Variants in DPYSL3 observed in about 807,000 individuals in gnomAD.
The protein encoded by DPYSL3 is dihydropyrimidinase like 3.
In DPYSL3, 16 loss-of-function variants were observed where a neutral mutation model predicts 66.1. The observed-to-expected ratio is 0.24, with a 90% CI of 0.16 to 0.37. The LOEUF (loss-of-function observed/expected upper bound fraction) is 0.37, where lower values mean the gene tolerates loss of function less well. Ranked by LOEUF, DPYSL3 falls within the 10% of genes least tolerant of loss-of-function variation. DPYSL3 has a pLI of 1.00. For missense variants in DPYSL3, 738 were observed against 916.2 expected, an observed-to-expected ratio of 0.81 and a Z score of 2.51; for synonymous variants, 338 against 345.1, an observed-to-expected ratio of 0.98 and a Z score of 0.23.
chr5:147,446,495 A>G (rs1188269577), intron 1 of DPYSL3, among the ~76,000 whole-genome samples: 4 of 152,228 alleles, frequency 2.6e-5, no homozygotes, highest in African/African-American at 9.6e-5. Flanking sequence ...CTTGAATTCC[A>G]GATGTTCCAA....
chr5:147,458,466 C>A (rs1752885016), intron 1 of DPYSL3, among the ~76,000 whole-genome samples: 1 of 152,186 alleles, frequency 6.6e-6, no homozygotes, highest in African/African-American at 2.4e-5. Flanking sequence ...AGGCAACCAG[C>A]AGATCCTCGG....
At position 147,399,246 on chromosome 5, in the gene DPYSL3, C is replaced by A. The variant is rs1212539373; in HGVS notation, c.1459G>T (p.Gly487Trp). Residue 487 changes from glycine to tryptophan, a missense_variant, in exon 11 of 14, where the codon GGG (glycine) becomes TGG (tryptophan). Physicochemically the swap from Gly to Trp is radical, Grantham distance 184 (BLOSUM62 -2). Transcript: ENST00000343218. ...SVIWDKAVAT[G>W]KMDENQFVAV... Reference sequence around the variant, plus strand: ...ACGAACTGGTTTTCGTCCATTTTCCCTGTGGCCTATTGAAATATAAGAAAT... The same window carrying A: ...ACGAACTGGTTTTCGTCCATTTTCCATGTGGCCTATTGAAATATAAGAAAT... 1 of 1,614,046 alleles carries A rather than the reference C, an allele frequency of 6.2e-7. No individual in the cohort carries two copies. Among genetic ancestry groups the A allele is most frequent in the Non-Finnish European group, 8.5e-7 (1 of 1,179,992 alleles).
chr5:147,434,433 CA>C (rs1178625167), intron 1 of DPYSL3, among the ~76,000 whole-genome samples: 4 of 152,210 alleles, frequency 2.6e-5, no homozygotes, highest in Non-Finnish European at 5.9e-5. Context: ...CAGCTTCAAT[CA>C]AACAGGATCT....
intron 13 of DPYSL3, 109 bp downstream of exon 13, chr5:147,395,450 A>G (rs1403183716): frequency 2.9e-6 from 4 of 1,363,058 alleles, no homozygotes; most frequent in Non-Finnish European, 4.0e-6. Flanking sequence ...CACCAGTGCT[A>G]GGCTGGAAAA....
chr5:147,407,044 C>T (rs926324670), intron 7 of DPYSL3, among the ~76,000 whole-genome samples: 3 of 152,102 alleles, frequency 2.0e-5, no homozygotes, highest in Non-Finnish European at 2.9e-5. Context: ...TGTCTCTATG[C>T]CTGGGGTCCC....
intron 1 of DPYSL3, among the ~76,000 whole-genome samples, chr5:147,443,866 C>T (rs568145582): frequency 1.6e-4 from 25 of 152,150 alleles, no homozygotes; most frequent in African/African-American, 6.0e-4. Flanking sequence ...GTAAGTATAA[C>T]AGTGTGGAGC....
chr5:147,473,482 A>C (rs1753112544), intron 1 of DPYSL3: 1 of 152,340 alleles, frequency 6.6e-6, no homozygotes, highest in South Asian at 2.1e-4. Flanking sequence ...AGGGAGTTTG[A>C]AGAAGAAAGA....
intron 1 of DPYSL3, among the ~76,000 whole-genome samples, chr5:147,489,733 G>GTT (rs61578582): frequency 7.0e-6 from 1 of 143,064 alleles, no homozygotes; most frequent in Admixed American, 6.9e-5. Flanking sequence ...TTCCTTTTAT[G>GTT]TTTTTTTTTT....
At position 147,413,529 on chromosome 5, in the gene DPYSL3, CA is replaced by C; in HGVS notation, c.882+66del. 4 of 1,300,506 alleles carry C rather than the reference CA, an allele frequency of 3.1e-6. No homozygotes were observed. In the South Asian group the frequency reaches 4.9e-5, roughly 16 times the overall value. The allele number at this position is 1,300,506 out of a possible 1,614,324, so 80.6% of individuals were successfully genotyped here. A position where few individuals can be genotyped will look rare whatever the true frequency, so the allele number is the denominator to read the frequency against. On this transcript the variant is annotated intron_variant, in intron 5 of 13. Transcript: ENST00000343218. Reference sequence around the variant, plus strand: ...CCACAGTGATTCATGTTACAAGGGCCAAGGTCATCAACAACAATAGGAAACC... The same window carrying C: ...CCACAGTGATTCATGTTACAAGGGCCAGGTCATCAACAACAATAGGAAACC...
chr5:147,444,882 A>G (rs1561790884), intron 1 of DPYSL3, among the ~76,000 whole-genome samples: 1 of 152,086 alleles, frequency 6.6e-6, no homozygotes, highest in Admixed American at 6.6e-5. Context: ...AAACAAAAAG[A>G]ACTATGAGCT....
At chr5:147,488,221 C>T (rs1022348867) in intron 1 of DPYSL3, among the ~76,000 whole-genome samples, 4 of 152,114 alleles carry the variant, frequency 2.6e-5, no homozygotes, top group Non-Finnish European at 4.4e-5. Context: ...GTAGCTAAAG[C>T]AGAAAACATC....
intron 1 of DPYSL3, among the ~76,000 whole-genome samples, chr5:147,475,262 C>T (rs1009712376): frequency 2.6e-5 from 4 of 152,046 alleles, no homozygotes; most frequent in Non-Finnish European, 5.9e-5. Context: ...CAGTATTGTA[C>T]AGATGTTAGT....
At chr5:147,462,746 G>A (rs1346030412) in intron 1 of DPYSL3, among the ~76,000 whole-genome samples, 1 of 152,086 alleles carries the variant, frequency 6.6e-6, no homozygotes, top group Non-Finnish European at 1.5e-5. Context: ...AGTGTAAACA[G>A]CCCAACCACT....
At chr5:147,497,747 C>T (rs1198912915) in intron 1 of DPYSL3, among the ~76,000 whole-genome samples, 1 of 151,620 alleles carries the variant, frequency 6.6e-6, no homozygotes, top group Non-Finnish European at 1.5e-5. Context: ...GATTGGGGAA[C>T]TTCCTCAGCT....
rs574495536 is a variant in DPYSL3 at position 147,488,268 on chromosome 5, G to A, written c.381+21210C>T. Among the ~76,000 whole-genome samples the A allele has an allele frequency of 2.0e-5, 3 of 152,186 alleles. No homozygotes were observed. The East Asian group carries it at 5.8e-4, about 29-fold the overall frequency. ...GGCTCTAGAAAGAAACCAGGAGGTA[G>A]ATCAAGGGAAGGAAGAAGTGAAGAG... On this transcript the variant is annotated intron_variant, in intron 1 of 13. Coordinates refer to ENST00000343218, the MANE Select transcript of DPYSL3 (RefSeq NM_001197294.2).
chr5:147,473,758 A>C (rs1187607474), intron 1 of DPYSL3, among the ~76,000 whole-genome samples: 1 of 152,142 alleles, frequency 6.6e-6, no homozygotes, highest in Non-Finnish European at 1.5e-5. Flanking sequence ...ATGGTGATTC[A>C]ACTTCTAAGC....
At chr5:147,411,931 C>T (rs552658721) in intron 6 of DPYSL3, among the ~76,000 whole-genome samples, 3 of 151,228 alleles carry the variant, frequency 2.0e-5, no homozygotes, top group African/African-American at 4.8e-5. Flanking sequence ...CTTTTTTTTT[C>T]GGGCTGTCTC....
chr5:147,485,241 T>C (rs921034830), intron 1 of DPYSL3, among the ~76,000 whole-genome samples: 6 of 152,210 alleles, frequency 3.9e-5, no homozygotes, highest in East Asian at 3.9e-4. Flanking sequence ...AATTTTTTGA[T>C]TGTGGCTGAG....
Position 147,393,894 on chromosome 5 carries a change from G to T in DPYSL3, c.*141C>A. On this transcript the variant is annotated 3_prime_UTR_variant, in exon 14 of 14. Coordinates refer to ENST00000343218, the MANE Select transcript of DPYSL3 (RefSeq NM_001197294.2). ...AAGCTAGGCAAGCGAGCGTAACATTGGAGAAACATAAGGCTTGAGGCTTAT... is the reference window on the plus strand; with the variant it reads ...AAGCTAGGCAAGCGAGCGTAACATTTGAGAAACATAAGGCTTGAGGCTTAT... 2 of 823,412 alleles carry T rather than the reference G, an allele frequency of 2.4e-6. No individual in the cohort carries two copies. Among genetic ancestry groups the T allele is most frequent in the Non-Finnish European group, 3.9e-6 (2 of 516,836 alleles). 51.0% of individuals were successfully genotyped at this position (823,412 alleles called of 1,614,324 possible).
Sources: gnomAD v4.1 joint callset for allele counts (sites outside exome capture counted in the v4.1 genomes callset) on GRCh38, gnomAD v4.1.1 for gene constraint, MANE v1.5 for transcripts, NCBI Gene and HGNC (gene_info 2026-07-23, HGNC 2026-07-21) for gene names.